Variants in TENM2 observed in about 807,000 individuals in gnomAD.
The protein encoded by TENM2 is teneurin transmembrane protein 2.
A neutral mutation model predicts 245.2 loss-of-function variants in TENM2; 52 were observed. The observed-to-expected ratio is 0.21, with a 90% CI of 0.17 to 0.27. TENM2 has a LOEUF of 0.27. Among genes scored for constraint, TENM2 ranks in the 10% least tolerant of loss-of-function variants. The pLI, the probability that TENM2 is intolerant of heterozygous loss-of-function variation, is 1.00. For missense variants in TENM2, 3,046 were observed against 3,666.8 expected (o/e 0.83, Z 4.37); for synonymous variants, 1,363 against 1,438.9 (o/e 0.95, Z 1.19).
At chr5:168,026,994 G>T (rs1786683015) in intron 5 of TENM2, among the ~76,000 whole-genome samples, 1 of 152,138 alleles carries the variant, frequency 6.6e-6, no homozygotes, top group African/African-American at 2.4e-5. Flanking sequence ...TAGGAGGAAT[G>T]GGACCATGTC....
intron 1 of TENM2, among the ~76,000 whole-genome samples, chr5:167,334,566 CTCTT>C (rs1376271129): frequency 6.6e-6 from 1 of 152,142 alleles, no homozygotes; most frequent in Non-Finnish European, 1.5e-5. Flanking sequence ...AGTGCATTTT[CTCTT>C]TCTTTGTCTC....
intron 2 of TENM2, among the ~76,000 whole-genome samples, chr5:167,775,131 G>C (rs1763678174): frequency 6.6e-6 from 1 of 152,136 alleles, no homozygotes; most frequent in South Asian, 2.1e-4. Context: ...ACCACACCCA[G>C]CTAATTTTGT....
chr5:167,146,316 G>A, the TENM2 span, among the ~76,000 whole-genome samples: 4 of 152,134 alleles, frequency 2.6e-5, no homozygotes, highest in African/African-American at 9.7e-5. Context: ...ATTGCCCCGG[G>A]TGATCGCTTG....
chr5:167,233,378 A>G, the TENM2 span, among the ~76,000 whole-genome samples: 3 of 152,102 alleles, frequency 2.0e-5, no homozygotes, highest in Admixed American at 1.3e-4. Flanking sequence ...TGTGTAGCTC[A>G]GTGTCTAAAA....
intron 9 of TENM2, among the ~76,000 whole-genome samples, chr5:168,108,933 C>G (rs1794461320): frequency 6.6e-6 from 1 of 152,218 alleles, no homozygotes. Flanking sequence ...ATACTTCCCT[C>G]AGAGCTTCCT....
At chr5:167,708,204 A>G (rs1758663995) in intron 2 of TENM2, among the ~76,000 whole-genome samples, 1 of 151,896 alleles carries the variant, frequency 6.6e-6, no homozygotes, top group African/African-American at 2.4e-5. Context: ...TCACAACTGA[A>G]GAGTGTATGC....
intron 2 of TENM2, among the ~76,000 whole-genome samples, chr5:167,815,857 T>C (rs1184572949): frequency 1.3e-5 from 2 of 152,034 alleles, no homozygotes; most frequent in Non-Finnish European, 2.9e-5. Context: ...CCCAGGTCCA[T>C]AGTGAGCCCC....
chr5:166,991,709 A>G, the TENM2 span, among the ~76,000 whole-genome samples: 1 of 152,178 alleles, frequency 6.6e-6, no homozygotes, highest in South Asian at 2.1e-4. Context: ...TGCACTTGCA[A>G]TTATCTGGAA....
chr5:167,361,436 T>G (rs1373035904), intron 1 of TENM2, among the ~76,000 whole-genome samples: 1 of 152,222 alleles, frequency 6.6e-6, no homozygotes, highest in Non-Finnish European at 1.5e-5. Flanking sequence ...CATATAGCAC[T>G]CATTGTATCT....
intron 3 of TENM2, among the ~76,000 whole-genome samples, chr5:167,904,543 C>G (rs1193531148): frequency 6.6e-6 from 1 of 152,154 alleles, no homozygotes; most frequent in Non-Finnish European, 1.5e-5. Flanking sequence ...ACGCTGGATA[C>G]TGATCGAGCT....
chr5:168,181,002 G>T (rs1759829685), intron 13 of TENM2, among the ~76,000 whole-genome samples: 1 of 152,222 alleles, frequency 6.6e-6, no homozygotes, highest in South Asian at 2.1e-4. Context: ...GGAGCAGGTA[G>T]TCAGGGAGCA....
intron 6 of TENM2, among the ~76,000 whole-genome samples, chr5:168,050,352 C>T (rs979121113): frequency 6.6e-6 from 1 of 152,164 alleles, no homozygotes; most frequent in African/African-American, 2.4e-5. Flanking sequence ...TACCCAGTGA[C>T]CTCCGCGCTC....
the TENM2 span, among the ~76,000 whole-genome samples, chr5:167,046,282 G>A: frequency 7.3e-5 from 11 of 151,350 alleles, no homozygotes; most frequent in African/African-American, 1.7e-4. Flanking sequence ...CAAATATTTC[G>A]TTTATTTCCA....
chr5:167,932,330 G>A (rs1475670522), intron 3 of TENM2, among the ~76,000 whole-genome samples: 2 of 152,168 alleles, frequency 1.3e-5, no homozygotes, highest in African/African-American at 4.8e-5. Flanking sequence ...CTGATTTACA[G>A]TCTGTATTTG....
intron 2 of TENM2, among the ~76,000 whole-genome samples, chr5:167,765,890 G>A (rs1233647696): frequency 2.0e-5 from 3 of 152,150 alleles, no homozygotes; most frequent in East Asian, 3.9e-4. Context: ...TCTGTAAATC[G>A]CTTGTAAACT....
chr5:167,997,776 G>A (rs1784163081), intron 5 of TENM2, among the ~76,000 whole-genome samples: 1 of 152,154 alleles, frequency 6.6e-6, no homozygotes, highest in Non-Finnish European at 1.5e-5. Context: ...AAAACAGGTG[G>A]CAGCCTGGAT....
intron 2 of TENM2, among the ~76,000 whole-genome samples, chr5:167,561,358 A>C (rs56368524): frequency 0.011 from 1,720 of 152,320 alleles, 26 homozygotes; most frequent in African/African-American, 0.039. Flanking sequence ...CAGGAGCCCA[A>C]GGTCATTGTA....
intron 3 of TENM2, among the ~76,000 whole-genome samples, chr5:167,881,339 C>T (rs1027648752): frequency 1.3e-5 from 2 of 152,174 alleles, no homozygotes; most frequent in African/African-American, 4.8e-5. Flanking sequence ...TCCCACTTCT[C>T]CTAATGTTCT....
intron 9 of TENM2, among the ~76,000 whole-genome samples, chr5:168,107,951 C>T (rs1325062073): frequency 6.6e-6 from 1 of 152,252 alleles, no homozygotes; most frequent in Non-Finnish European, 1.5e-5. Flanking sequence ...GGTGGTTCTC[C>T]TGCTGATGAC....
Sources: gnomAD v4.1 joint callset for allele counts (sites outside exome capture counted in the v4.1 genomes callset) on GRCh38, gnomAD v4.1.1 for gene constraint, MANE v1.5 for transcripts, NCBI Gene and HGNC (gene_info 2026-07-23, HGNC 2026-07-21) for gene names.